The following ABCA13 variants were observed in gnomAD, a reference collection of about 807,000 sequenced individuals.
The protein encoded by ABCA13 is ATP binding cassette subfamily A member 13, also known as ATP-binding cassette sub-family A member 13.
ABCA13 carries 476 observed loss-of-function variants against 478.7 expected under a neutral mutation model. The observed-to-expected ratio is 0.99, with a 90% CI of 0.92 to 1.07. The LOEUF (loss-of-function observed/expected upper bound fraction) is 1.07. ABCA13 is among the 50% of genes least tolerant of loss of function. The pLI is 0.00. For synonymous variants in ABCA13, 2,252 were observed against 2,158.9 expected (o/e 1.04, Z -1.20); for missense variants, 6,060 against 5,910.6 (o/e 1.03, Z -0.83).
At chr7:48,594,535 T>A (rs1039218585) in intron 57 of ABCA13, among the ~76,000 whole-genome samples, 175 bp from the exon 58 acceptor site, 1 of 152,308 alleles carries the variant, frequency 6.6e-6, no homozygotes, top group Non-Finnish European at 1.5e-5. Context: ...CTCTCTCACA[T>A]TCCCCTATCA....
chr7:48,586,563 C>T (rs1230362271), intron 56 of ABCA13, among the ~76,000 whole-genome samples: 1 of 152,032 alleles, frequency 6.6e-6, no homozygotes, highest in Non-Finnish European at 1.5e-5. Flanking sequence ...CAGCAGTAGA[C>T]ACGTGGGAAT....
At chr7:48,290,612 A>C (rs992406976) in intron 20 of ABCA13, among the ~76,000 whole-genome samples, 1 of 152,160 alleles carries the variant, frequency 6.6e-6, no homozygotes, top group African/African-American at 2.4e-5. Context: ...TATTTTATTA[A>C]ATTTAAGAAT....
At chr7:48,307,331 A>G (rs1801056017) in intron 23 of ABCA13, among the ~76,000 whole-genome samples, 3 of 152,254 alleles carry the variant, frequency 2.0e-5, no homozygotes, top group African/African-American at 7.2e-5. Flanking sequence ...TACTGTGGGC[A>G]ATTGTAACAT....
At chr7:48,452,231 T>C (rs1048014322) in intron 42 of ABCA13, among the ~76,000 whole-genome samples, 2 of 152,340 alleles carry the variant, frequency 1.3e-5, no homozygotes, top group African/African-American at 4.8e-5. Flanking sequence ...TTAATAACTG[T>C]TCTAATAATA....
chr7:48,577,879 A>G (rs951682853), intron 55 of ABCA13, among the ~76,000 whole-genome samples: 2 of 152,156 alleles, frequency 1.3e-5, no homozygotes, highest in Non-Finnish European at 2.9e-5. Flanking sequence ...ATATACTATG[A>G]CAAAGAAGGA....
At chr7:48,376,763 A>T (rs532227062) in intron 35 of ABCA13, among the ~76,000 whole-genome samples, 191 bp downstream of exon 35, 2 of 152,306 alleles carry the variant, frequency 1.3e-5, no homozygotes, top group South Asian at 4.1e-4. Context: ...AGTGAAAGGT[A>T]AAAGGCCATG....
intron 59 of ABCA13, among the ~76,000 whole-genome samples, chr7:48,620,849 G>A (rs138248258): frequency 3.9e-5 from 6 of 152,252 alleles, no homozygotes; most frequent in Non-Finnish European, 7.4e-5. Flanking sequence ...TGTCTTACCA[G>A]AGGCAAACAC....
At chr7:48,209,870 T>C (rs1424188122) in intron 3 of ABCA13, among the ~76,000 whole-genome samples, 1 of 152,198 alleles carries the variant, frequency 6.6e-6, no homozygotes, top group Non-Finnish European at 1.5e-5. Context: ...ATTTGGGTCT[T>C]CTCTGTTTTT....
chr7:48,524,553 C>A, intron 54 of ABCA13, 113 bp downstream of exon 54: 1 of 965,532 alleles, frequency 1.0e-6, no homozygotes, highest in Non-Finnish European at 1.5e-6. Context: ...AAATAGCCTT[C>A]AAATTTTAGA....
intron 59 of ABCA13, among the ~76,000 whole-genome samples, chr7:48,641,571 T>C (rs1252715560): frequency 6.6e-6 from 1 of 152,142 alleles, no homozygotes; most frequent in Non-Finnish European, 1.5e-5. Context: ...CTTTCCAGGG[T>C]CAAACAACTG....
At chr7:48,217,417 T>C (rs1526106) in intron 3 of ABCA13, among the ~76,000 whole-genome samples, 61,451 of 152,120 alleles carry the variant, frequency 0.4, 14,233 homozygotes, top group Non-Finnish European at 0.53. Context: ...GTAGTCCTTA[T>C]GCTGAAAATG....
At chr7:48,630,152 C>A (rs1794047476) in intron 59 of ABCA13, among the ~76,000 whole-genome samples, 1 of 151,746 alleles carries the variant, frequency 6.6e-6, no homozygotes, top group African/African-American at 2.4e-5. Context: ...GATAAAATGT[C>A]TTTTATTAAT....
At chr7:48,618,241 C>A (rs1586001577) in intron 59 of ABCA13, among the ~76,000 whole-genome samples, 2 of 152,290 alleles carry the variant, frequency 1.3e-5, no homozygotes, top group East Asian at 3.9e-4. Flanking sequence ...TGCTCTGATT[C>A]TCTTCCTTCC....
At chr7:48,562,661 C>T (rs749719563) in intron 55 of ABCA13, among the ~76,000 whole-genome samples, 1 of 152,048 alleles carries the variant, frequency 6.6e-6, no homozygotes, top group Non-Finnish European at 1.5e-5. Flanking sequence ...CAACAGAGAA[C>T]ATGAAAAAGG....
chr7:48,231,077 A>T (rs916441306), intron 7 of ABCA13, among the ~76,000 whole-genome samples: 2 of 151,896 alleles, frequency 1.3e-5, no homozygotes, highest in African/African-American at 2.4e-5. Flanking sequence ...AACCTAGATG[A>T]TGGGTTGATA....
chr7:48,579,916 G>A (rs1305194543), intron 55 of ABCA13, among the ~76,000 whole-genome samples: 1 of 152,144 alleles, frequency 6.6e-6, no homozygotes, highest in Non-Finnish European at 1.5e-5. Context: ...TTGTAAATGT[G>A]AATTTCCTTT....
At chr7:48,238,238 A>G (rs988449633) in intron 8 of ABCA13, among the ~76,000 whole-genome samples, 5 of 152,110 alleles carry the variant, frequency 3.3e-5, no homozygotes, top group African/African-American at 1.2e-4. Flanking sequence ...TCATGATCTG[A>G]CCAGCTCCCC....
At chr7:48,558,282 A>G (rs893139945) in intron 55 of ABCA13, among the ~76,000 whole-genome samples, 3 of 138,418 alleles carry the variant, frequency 2.2e-5, no homozygotes, top group African/African-American at 5.5e-5. Context: ...GTCTCAGTCT[A>G]TCACCCAGGC....
At chr7:48,292,443 G>A (rs555384294) in intron 20 of ABCA13, among the ~76,000 whole-genome samples, 52 of 152,192 alleles carry the variant, frequency 3.4e-4, no homozygotes, top group African/African-American at 1.1e-3. Context: ...TAATGCGGTA[G>A]CCAGAGTGAC....
Sources: gnomAD v4.1 joint callset for allele counts (sites outside exome capture counted in the v4.1 genomes callset) on GRCh38, gnomAD v4.1.1 for gene constraint, MANE v1.5 for transcripts, NCBI Gene and HGNC (gene_info 2026-07-23, HGNC 2026-07-21) for gene names.